TENM2: variants seen among roughly 807,000 people sequenced by gnomAD.
TENM2 encodes the protein teneurin transmembrane protein 2.
A neutral mutation model predicts 245.2 loss-of-function variants in TENM2; 52 were observed. That is an observed-to-expected ratio of 0.21 (90% confidence interval 0.17 to 0.27). The LOEUF (loss-of-function observed/expected upper bound fraction) is 0.27. TENM2 is among the 10% of genes least tolerant of loss of function. The pLI, the probability that TENM2 is intolerant of heterozygous loss-of-function variation, is 1.00. For synonymous variants in TENM2, 1,363 were observed against 1,438.9 expected, an observed-to-expected ratio of 0.95 and a Z score of 1.19; for missense variants, 3,046 against 3,666.8, an observed-to-expected ratio of 0.83 and a Z score of 4.37.
At chr5:167,372,503 A>G (rs189256210) in intron 1 of TENM2, among the ~76,000 whole-genome samples, 107 of 152,328 alleles carry the variant, frequency 7.0e-4, no homozygotes, top group African/African-American at 2.4e-3. Flanking sequence ...TCCTGTCCTC[A>G]TACAACTTTT....
At chr5:168,062,571 C>A (rs886715360) in intron 7 of TENM2, among the ~76,000 whole-genome samples, 2 of 152,072 alleles carry the variant, frequency 1.3e-5, no homozygotes, top group Non-Finnish European at 2.9e-5. Flanking sequence ...CTTACAAAAA[C>A]GTATGTATCA....
At chr5:167,722,395 G>A (rs1209228260) in intron 2 of TENM2, among the ~76,000 whole-genome samples, 4 of 152,148 alleles carry the variant, frequency 2.6e-5, no homozygotes, top group African/African-American at 9.7e-5. Context: ...TTGATAGATA[G>A]ATAAATAGAT....
At chr5:168,159,468 A>C (rs1581487819) in intron 12 of TENM2, among the ~76,000 whole-genome samples, 1 of 152,298 alleles carries the variant, frequency 6.6e-6, no homozygotes, top group Non-Finnish European at 1.5e-5. Context: ...TCCAGAGAAA[A>C]GCCTCTACCT....
intron 13 of TENM2, among the ~76,000 whole-genome samples, chr5:168,172,586 C>T (rs937445260): frequency 1.3e-5 from 2 of 152,240 alleles, no homozygotes; most frequent in Non-Finnish European, 2.9e-5. Flanking sequence ...GGGCCCCTCA[C>T]AGCACCTGAG....
At chr5:167,890,348 T>C (rs73372704) in intron 3 of TENM2, among the ~76,000 whole-genome samples, 1,963 of 152,148 alleles carry the variant, frequency 0.013, 46 homozygotes, top group African/African-American at 0.044. Flanking sequence ...TGTTGCCCCT[T>C]TCTGGATTGG....
At chr5:167,825,214 C>T (rs1032315003) in intron 2 of TENM2, among the ~76,000 whole-genome samples, 7 of 152,070 alleles carry the variant, frequency 4.6e-5, no homozygotes, top group Admixed American at 6.6e-5. Context: ...AATTCTGACT[C>T]TGTAGATAGA....
At chr5:167,928,650 T>C (rs1009439415) in intron 3 of TENM2, among the ~76,000 whole-genome samples, 1 of 151,806 alleles carries the variant, frequency 6.6e-6, no homozygotes, top group Non-Finnish European at 1.5e-5. Flanking sequence ...TCCCAGCATT[T>C]TGGGAGGCCG....
At chr5:167,686,273 G>T (rs531206729) in intron 2 of TENM2, among the ~76,000 whole-genome samples, 3 of 152,290 alleles carry the variant, frequency 2.0e-5, no homozygotes, top group Non-Finnish European at 2.9e-5. Flanking sequence ...CATTTGTGTG[G>T]AGCCTATGAC....
chr5:167,764,465 G>A (rs1269282303), intron 2 of TENM2, among the ~76,000 whole-genome samples: 1 of 152,102 alleles, frequency 6.6e-6, no homozygotes, highest in Non-Finnish European at 1.5e-5. Context: ...TATCTCACCT[G>A]GCAAATCATA....
intron 13 of TENM2, among the ~76,000 whole-genome samples, chr5:168,189,983 G>A (rs1405449293): frequency 1.3e-5 from 2 of 152,168 alleles, no homozygotes; most frequent in Admixed American, 6.5e-5. Context: ...GTAATTTGCT[G>A]TGCTGTGTTG....
At chr5:167,681,697 T>C (rs564671558) in intron 2 of TENM2, among the ~76,000 whole-genome samples, 2 of 152,174 alleles carry the variant, frequency 1.3e-5, no homozygotes, top group Non-Finnish European at 2.9e-5. Context: ...TACAAATATA[T>C]GTACACATGC....
At chr5:167,841,418 A>G (rs144176965) in intron 2 of TENM2, among the ~76,000 whole-genome samples, 237 of 152,306 alleles carry the variant, frequency 1.6e-3, no homozygotes, top group African/African-American at 5.3e-3. Flanking sequence ...TAAATGGTGG[A>G]AAAAACACCC....
chr5:168,055,324 T>C (rs1789444087), intron 6 of TENM2, among the ~76,000 whole-genome samples: 1 of 152,218 alleles, frequency 6.6e-6, no homozygotes, highest in South Asian at 2.1e-4. Flanking sequence ...CACCCAACAT[T>C]GCTTAGGACA....
intron 6 of TENM2, among the ~76,000 whole-genome samples, chr5:168,049,751 G>A (rs1788916353): frequency 6.6e-6 from 1 of 152,288 alleles, no homozygotes; most frequent in African/African-American, 2.4e-5. Context: ...AACATTACTA[G>A]TTCAGATATT....
chr5:167,625,554 G>A (rs941209109), intron 2 of TENM2, among the ~76,000 whole-genome samples: 1 of 152,132 alleles, frequency 6.6e-6, no homozygotes, highest in Non-Finnish European at 1.5e-5. Flanking sequence ...CCCAGATAAG[G>A]AATAAACAAA....
Position 167,605,286 on chromosome 5 carries a change from T to G in TENM2, c.502+229813T>G, listed in dbSNP as rs1209081012. ...AAAGAGCAGTAGTCATTTAAAAAAT[T>G]CTTTTTTATATTTATTTATTACTGA... On this transcript the variant is annotated intron_variant, in intron 2 of 28. Transcript: ENST00000518659. Among the ~76,000 whole-genome samples the G allele has an allele frequency of 3.3e-5, 5 of 152,168 alleles. No individual in the cohort carries two copies. The East Asian group carries it at 9.6e-4, about 29-fold the overall frequency.
intron 2 of TENM2, among the ~76,000 whole-genome samples, chr5:167,465,302 G>A (rs951610050): frequency 3.9e-5 from 6 of 151,960 alleles, no homozygotes; most frequent in African/African-American, 1.2e-4. Context: ...AAAGATGAAT[G>A]TATCTTATTT....
chr5:168,023,179 C>T lies in TENM2; in HGVS notation c.1187-24248C>T, dbSNP rs370709919. Among the ~76,000 whole-genome samples, 61 of 152,298 alleles carry T rather than the reference C, an allele frequency of 4.0e-4. No homozygotes were observed. The East Asian group carries it at 0.01, about 26-fold the overall frequency. On this transcript the variant is annotated intron_variant, in intron 5 of 28. Transcript: ENST00000518659. ...TGCCTTTGTTTAGAAATATGAACTT[C>T]GAAACCCTGCTGCAGAGAGTGTCGG...
At chr5:168,031,771 AGGAGGGAGGGAAGGAGGGAAGGAGGAAG>A (rs1787169603) in intron 5 of TENM2, among the ~76,000 whole-genome samples, 1 of 132,344 alleles carries the variant, frequency 7.6e-6, no homozygotes. Context: ...GAGGAAGGGA[AGGAGGGAGGGAAGGAGGGAAGGAGGAAG>A]GGAGGGAGAG....
Sources: gnomAD v4.1 joint callset for allele counts (sites outside exome capture counted in the v4.1 genomes callset) on GRCh38, gnomAD v4.1.1 for gene constraint, MANE v1.5 for transcripts, NCBI Gene and HGNC (gene_info 2026-07-23, HGNC 2026-07-21) for gene names.